HNF1B: variants seen among roughly 807,000 people sequenced by gnomAD.
The protein encoded by HNF1B is hepatocyte nuclear factor 1-beta.
Under a neutral mutation model 61.7 loss-of-function variants are expected in HNF1B, and 8 were observed. The ratio of observed to expected loss-of-function variants is 0.13; its 90% CI spans 0.08 to 0.23. The LOEUF (loss-of-function observed/expected upper bound fraction) is 0.23. Among genes scored for constraint, HNF1B ranks in the 10% least tolerant of loss-of-function variants. HNF1B has a pLI of 1.00. For missense variants in HNF1B, 562 were observed against 714.5 expected, an observed-to-expected ratio of 0.79 and a Z score of 2.43; for synonymous variants, 314 against 287.7, an observed-to-expected ratio of 1.09 and a Z score of -0.93.
In HNF1B at chr17:37,710,383, C is replaced by G. The variant is rs562061457; in HGVS notation, c.1206+120G>C. 6.8e-5 allele frequency: 92 copies of G among 1,344,240 alleles called. No individual in the cohort carries two copies. The African/African-American group carries it at 1.2e-3, about 18-fold the overall frequency. The allele number at this position is 1,344,240 out of a possible 1,614,324, so 83.3% of individuals were successfully genotyped here. ...CTCTCCTTTCCGACTCTGGACAGCC[C>G]TCATTTTCCCCTATGGGGCTACAAT... On this transcript the variant is annotated intron_variant, in intron 5 of 8. Transcript: ENST00000617811.
At chr17:37,689,522 A>G (rs186500771) in intron 8 of HNF1B, among the ~76,000 whole-genome samples, 2 of 152,346 alleles carry the variant, frequency 1.3e-5, no homozygotes, top group East Asian at 3.9e-4. Context: ...AATGTTGTCA[A>G]AAGAACTAGA....
At position 37,710,629 on chromosome 17, in the gene HNF1B, G is replaced by C. The variant is rs1166825540; in HGVS notation, c.1080C>G (p.Ile360Met). 2 of 1,613,988 alleles carry C rather than the reference G, an allele frequency of 1.2e-6. No homozygotes were observed. Among genetic ancestry groups the C allele is most frequent in the Non-Finnish European group, 1.7e-6 (2 of 1,180,006 alleles). The change falls in exon 5 of 9, where the codon ATC becomes ATG. Residue 360 changes from isoleucine to methionine, a missense_variant. Around this residue, in one of 6 missense-constraint regions of HNF1B, gnomAD observed 211 missense variants for 200.7 expected, o/e 1.05. Transcript: ENST00000617811. ...VRYSQQGNNE[I>M]TSSSTISHHG... ...GGTGACTGATTGTTGAGGAGGAAGT[G>C]ATCTCATTGTTTCCCTGCTGGCTGT... is the stretch of plus-strand genomic sequence containing the variant.
intron 1 of HNF1B, among the ~76,000 whole-genome samples, chr17:37,740,704 T>C (rs2033967989): frequency 6.6e-6 from 1 of 152,138 alleles, no homozygotes; most frequent in Non-Finnish European, 1.5e-5. Flanking sequence ...GACAAATAAC[T>C]TCAATTTCGG....
At chr17:37,690,184 G>A (rs2032148766) in intron 8 of HNF1B, among the ~76,000 whole-genome samples, 1 of 152,096 alleles carries the variant, frequency 6.6e-6, no homozygotes, top group Non-Finnish European at 1.5e-5. Flanking sequence ...GAAGTGAAGG[G>A]GCAAGCATGT....
chr17:37,727,424 C>G (rs1230771081), intron 4 of HNF1B, among the ~76,000 whole-genome samples: 1 of 152,146 alleles, frequency 6.6e-6, no homozygotes, highest in Non-Finnish European at 1.5e-5. Context: ...ACAAAGGGTG[C>G]CCCTGTGACA....
intron 4 of HNF1B, chr17:37,731,155 C>T (rs1181679229): frequency 4.0e-6 from 1 of 246,992 alleles, no homozygotes; most frequent in African/African-American, 2.2e-5. Context: ...GGCAGCCGGA[C>T]CGAGCGAGGG....
At chr17:37,743,431 G>GA (rs908243029) in intron 1 of HNF1B, among the ~76,000 whole-genome samples, 23 of 152,142 alleles carry the variant, frequency 1.5e-4, no homozygotes, top group Non-Finnish European at 2.5e-4. Context: ...TGTGTTTGGG[G>GA]AAAAAAAATC....
At chr17:37,713,464 C>T (rs2033002638) in intron 4 of HNF1B, among the ~76,000 whole-genome samples, 1 of 152,190 alleles carries the variant, frequency 6.6e-6, no homozygotes, top group African/African-American at 2.4e-5. Flanking sequence ...CAGCATATTC[C>T]AAGGCTGCTG....
intron 3 of HNF1B, 37 bp from the exon 4 acceptor site, chr17:37,731,867 G>A (rs1265664173): frequency 1.4e-6 from 2 of 1,404,032 alleles, no homozygotes; most frequent in Non-Finnish European, 2.0e-6. Flanking sequence ...GAGTGAGGGG[G>A]GGCGGGGGGA....
At chr17:37,717,472 A>G (rs1370383426) in intron 4 of HNF1B, among the ~76,000 whole-genome samples, 1 of 152,208 alleles carries the variant, frequency 6.6e-6, no homozygotes, top group Admixed American at 6.5e-5. Context: ...GCGAAGGAGA[A>G]AGCTCTTCCA....
chr17:37,726,559 A>G (rs986259519), intron 4 of HNF1B, among the ~76,000 whole-genome samples: 2 of 152,182 alleles, frequency 1.3e-5, no homozygotes, highest in African/African-American at 4.8e-5. Flanking sequence ...CAGCATTCAC[A>G]TAGGTACCCT....
At chr17:37,741,649 AC>A (rs1000061004) in intron 1 of HNF1B, among the ~76,000 whole-genome samples, 24 of 152,358 alleles carry the variant, frequency 1.6e-4, no homozygotes, top group African/African-American at 5.5e-4. Context: ...GACTCCTCGA[AC>A]CTTAGGGGAA....
Position 37,699,099 on chromosome 17 carries a change from T to C in HNF1B, c.1630A>G (p.Thr544Ala), listed in dbSNP as rs1352906725. ...ACCTGTTTACTTGAAGACATGTTGG[T>C]GAGTGTACTGATGCTGCTGGTATCT... is the stretch of plus-strand genomic sequence containing the variant. ...VTDTSSISTL[T>A]NMSSSKQCPL... Residue 544 changes from threonine to alanine, a missense_variant, in exon 8 of 9, where the codon ACC becomes GCC. Transcript: ENST00000617811. 9 of 1,613,572 alleles carry C rather than the reference T, an allele frequency of 5.6e-6. No homozygotes were observed. Among genetic ancestry groups the C allele is most frequent in the Non-Finnish European group, 7.6e-6 (9 of 1,179,676 alleles).
At chr17:37,688,380 AACACACACACACACAC>A (rs5820230) in intron 8 of HNF1B, among the ~76,000 whole-genome samples, 6 of 136,178 alleles carry the variant, frequency 4.4e-5, no homozygotes, top group African/African-American at 1.1e-4. Flanking sequence ...GATCCCCCCA[AACACACACACACACAC>A]ACACACACAC....
intron 8 of HNF1B, among the ~76,000 whole-genome samples, chr17:37,693,401 A>C (rs926528190): frequency 1.3e-5 from 2 of 152,114 alleles, no homozygotes; most frequent in African/African-American, 4.8e-5. Flanking sequence ...CCAACAGGGA[A>C]TTAACTGCCC....
chr17:37,691,883 G>C (rs1040798980), intron 8 of HNF1B, among the ~76,000 whole-genome samples: 1 of 152,142 alleles, frequency 6.6e-6, no homozygotes, highest in Non-Finnish European at 1.5e-5. Context: ...CTGCCCCCTT[G>C]TCAGTGCCCT....
chr17:37,703,197 G>A (rs2147452835), intron 6 of HNF1B, among the ~76,000 whole-genome samples: 1 of 152,316 alleles, frequency 6.6e-6, no homozygotes, highest in East Asian at 1.9e-4. Context: ...GTCTTCTGGT[G>A]ATTCTCACCA....
chr17:37,741,511 G>A (rs182367963), intron 1 of HNF1B, among the ~76,000 whole-genome samples: 16 of 152,244 alleles, frequency 1.1e-4, no homozygotes, highest in African/African-American at 3.9e-4. Context: ...ACATTAAGAG[G>A]AAAATAATGT....
At chr17:37,697,896 T>C (rs1001351971) in intron 8 of HNF1B, among the ~76,000 whole-genome samples, 28 of 152,136 alleles carry the variant, frequency 1.8e-4, no homozygotes, top group African/African-American at 6.8e-4. Context: ...GCAAGCTTGC[T>C]GAATCCTCAG....
Sources: gnomAD v4.1 joint callset for allele counts (sites outside exome capture counted in the v4.1 genomes callset) on GRCh38, gnomAD v4.1.1 for gene constraint, gnomAD v4.1.1 regional missense constraint, MANE v1.5 for transcripts, NCBI Gene and HGNC (gene_info 2026-07-23, HGNC 2026-07-21) for gene names.